CAST: variants seen among roughly 807,000 people sequenced by gnomAD.
CAST encodes the protein MIR583 host.
A neutral mutation model predicts 119.6 loss-of-function variants in CAST; 76 were observed. The observed-to-expected ratio is 0.64, with a 90% confidence interval of 0.53 to 0.77. The LOEUF (loss-of-function observed/expected upper bound fraction) is 0.77, where lower values mean the gene tolerates loss of function less well. CAST is among the 30% of genes least tolerant of loss of function. The probability of loss-of-function intolerance (pLI) is 0.00; values close to 1 mark genes in which losing one functional copy is unlikely to be tolerated. For missense variants in CAST, 953 were observed against 946.5 expected (o/e 1.01, Z -0.09); for synonymous variants, 319 against 331.6 (o/e 0.96, Z 0.41).
chr5:96,530,795 T>A (rs193298775), intron 1 of CAST, among the ~76,000 whole-genome samples: 2,005 of 152,244 alleles, frequency 0.013, 16 homozygotes, highest in Middle Eastern at 0.027. Flanking sequence ...CAACTTTTTT[T>A]AAAAATTTTC....
chr5:96,086,088 T>C, the CAST span, among the ~76,000 whole-genome samples: 1 of 152,218 alleles, frequency 6.6e-6, no homozygotes, highest in Non-Finnish European at 1.5e-5. Flanking sequence ...TTGCTGTATA[T>C]TTTAAATAAT....
chr5:96,336,396 T>C, the CAST span, among the ~76,000 whole-genome samples: 7 of 152,212 alleles, frequency 4.6e-5, no homozygotes, highest in African/African-American at 7.2e-5. Flanking sequence ...AAAAAACCCA[T>C]AGCTAAATAC....
chr5:96,449,514 T>G, the CAST span, among the ~76,000 whole-genome samples: 1 of 152,206 alleles, frequency 6.6e-6, no homozygotes, highest in African/African-American at 2.4e-5. Context: ...CAGTCCCTGG[T>G]GCCAAAAATA....
At chr5:96,155,700 C>T in the CAST span, among the ~76,000 whole-genome samples, 1 of 152,188 alleles carries the variant, frequency 6.6e-6, no homozygotes, top group African/African-American at 2.4e-5. Context: ...CCCACACAAT[C>T]TCAGACTGAG....
At chr5:96,513,038 A>G in the CAST span, among the ~76,000 whole-genome samples, 1 of 152,324 alleles carries the variant, frequency 6.6e-6, no homozygotes, top group African/African-American at 2.4e-5. Context: ...CAATCATGGG[A>G]CTTGGGGACA....
chr5:96,612,231 T>C (rs1233108998), intron 1 of CAST, among the ~76,000 whole-genome samples: 1 of 152,172 alleles, frequency 6.6e-6, no homozygotes, highest in East Asian at 1.9e-4. Flanking sequence ...ACTTAGACAC[T>C]ATGGAATACC....
the CAST span, among the ~76,000 whole-genome samples, chr5:96,448,787 G>A: frequency 6.6e-6 from 1 of 152,040 alleles, no homozygotes; most frequent in Non-Finnish European, 1.5e-5. Context: ...ATGTAGTCAA[G>A]CAGAGCTCTT....
the CAST span, among the ~76,000 whole-genome samples, chr5:96,417,111 G>A: frequency 6.6e-6 from 1 of 152,144 alleles, no homozygotes. Flanking sequence ...CAATAATGTT[G>A]GCCAGTTACA....
chr5:95,993,038 T>C, the CAST span, among the ~76,000 whole-genome samples: 1 of 152,280 alleles, frequency 6.6e-6, no homozygotes, highest in East Asian at 1.9e-4. Flanking sequence ...TATACAGCTA[T>C]AATAATCAAG....
intron 18 of CAST, 112 bp downstream of exon 18, chr5:96,747,504 G>C (rs1175792207): frequency 7.7e-6 from 5 of 646,486 alleles, no homozygotes; most frequent in Non-Finnish European, 1.4e-5. Flanking sequence ...TGCTAACCTA[G>C]TACAGAGGAA....
intron 1 of CAST, among the ~76,000 whole-genome samples, chr5:96,541,998 G>A (rs941625047): frequency 6.6e-6 from 1 of 152,170 alleles, no homozygotes; most frequent in African/African-American, 2.4e-5. Context: ...GCAATTGCGG[G>A]ATCATATGTT....
the CAST span, among the ~76,000 whole-genome samples, chr5:96,430,055 T>G: frequency 6.6e-6 from 1 of 152,236 alleles, no homozygotes; most frequent in African/African-American, 2.4e-5. Flanking sequence ...TGTTATAAAA[T>G]GTAGCCATTG....
the CAST span, among the ~76,000 whole-genome samples, chr5:96,416,410 A>G: frequency 6.6e-6 from 1 of 152,214 alleles, no homozygotes; most frequent in African/African-American, 2.4e-5. Context: ...ATTATATGTA[A>G]AACACTTAGA....
chr5:96,401,468 G>A, the CAST span, among the ~76,000 whole-genome samples: 2 of 152,186 alleles, frequency 1.3e-5, no homozygotes, highest in Admixed American at 6.5e-5. Flanking sequence ...TTTATCTTTT[G>A]GGCAGTGGGA....
At chr5:96,639,866 C>T (rs925576187) in intron 1 of CAST, among the ~76,000 whole-genome samples, 2 of 152,182 alleles carry the variant, frequency 1.3e-5, no homozygotes, top group Non-Finnish European at 2.9e-5. Flanking sequence ...CCATCACACA[C>T]TCCTGGAAGA....
the CAST span, chr5:95,961,467 G>C: frequency 1.5e-6 from 2 of 1,297,904 alleles, no homozygotes; most frequent in East Asian, 3.1e-5. Context: ...GGGCGCTGAC[G>C]GTAGCAGCTG....
chr5:96,375,694 G>C, the CAST span, among the ~76,000 whole-genome samples: 105 of 151,658 alleles, frequency 6.9e-4, no homozygotes, highest in African/African-American at 2.4e-3. Flanking sequence ...AGATTACCTT[G>C]TATAATGTGG....
chr5:96,125,599 C>T, the CAST span, among the ~76,000 whole-genome samples: 1 of 152,082 alleles, frequency 6.6e-6, no homozygotes, highest in African/African-American at 2.4e-5. Flanking sequence ...GTTTGTTTTC[C>T]TATTTGCATA....
chr5:96,291,741 G>T, the CAST span, among the ~76,000 whole-genome samples: 6 of 151,940 alleles, frequency 3.9e-5, no homozygotes, highest in African/African-American at 1.5e-4. Flanking sequence ...GCTTATCACA[G>T]TTATGCTTTC....
Sources: allele counts gnomAD v4.1 joint callset (sites outside exome capture counted in the v4.1 genomes callset), GRCh38; gene constraint gnomAD v4.1.1; transcripts MANE v1.5; gene names NCBI Gene and HGNC (gene_info 2026-07-23, HGNC 2026-07-21).